Variants in DACH2 observed in about 807,000 individuals in gnomAD.
DACH2 encodes the protein dachshund homolog 2.
Under a neutral mutation model 35.8 loss-of-function variants are expected in DACH2, and 17 were observed. The observed-to-expected ratio is 0.48, with a 90% CI of 0.33 to 0.71. DACH2 has a LOEUF of 0.71. DACH2 is among the 30% of genes least tolerant of loss of function. DACH2 has a pLI of 0.02. For synonymous variants in DACH2, 195 were observed against 177.3 expected, an observed-to-expected ratio of 1.10 and a Z score of -0.79; for missense variants, 469 against 472.7, an observed-to-expected ratio of 0.99 and a Z score of 0.07.
At chrX:86,504,768 A>T (rs779509118) in intron 2 of DACH2, among the ~76,000 whole-genome samples, 1 of 111,233 alleles carries the variant, frequency 9.0e-6, no homozygotes, top group Non-Finnish European at 1.9e-5. Flanking sequence ...ATTATGATTT[A>T]CTTCTCTATT....
intron 3 of DACH2, among the ~76,000 whole-genome samples, chrX:86,593,161 G>T (rs1236501462): frequency 1.8e-5 from 2 of 110,645 alleles, no homozygotes; most frequent in African/African-American, 3.3e-5. Flanking sequence ...GATTTCTGTG[G>T]ATGTTCTTTA....
At chrX:86,439,110 C>G (rs1435039944) in intron 2 of DACH2, among the ~76,000 whole-genome samples, 1 of 112,077 alleles carries the variant, frequency 8.9e-6, no homozygotes, top group African/African-American at 3.2e-5. Context: ...GATGATATCT[C>G]ATTGTGGTTT....
chrX:86,370,612 G>A (rs2035873164), intron 1 of DACH2, among the ~76,000 whole-genome samples: 1 of 111,450 alleles, frequency 9.0e-6, no homozygotes, highest in Non-Finnish European at 1.9e-5. Flanking sequence ...AACATGAATA[G>A]CAAGACTGAA....
intron 1 of DACH2, among the ~76,000 whole-genome samples, chrX:86,259,725 G>A (rs2033590722): frequency 8.9e-6 from 1 of 111,787 alleles, no homozygotes; most frequent in Admixed American, 9.5e-5. Flanking sequence ...TTGAAGTTGA[G>A]GATCATAATA....
chrX:86,488,559 T>G lies in DACH2; in HGVS notation c.528-25720T>G, dbSNP rs2038050126. Among the ~76,000 whole-genome samples the G allele has an allele frequency of 2.7e-5, 3 of 110,679 alleles. No homozygotes were observed. In the South Asian group the frequency reaches 1.1e-3, roughly 42 times the overall value. On this transcript the variant is annotated intron_variant, in intron 2 of 11. Coordinates refer to ENST00000373125, the MANE Select transcript of DACH2 (RefSeq NM_053281.3). The stretch of plus-strand genomic sequence containing the variant: ...CATTTATACCCCTTGAACCACAGTT[T>G]CATTATCTTTAAAATGAGTATGGCA...
Position 86,289,741 on chromosome X carries a change from G to A in DACH2, c.489-87083G>A, listed in dbSNP as rs772479529. The stretch of plus-strand genomic sequence containing the variant: ...CCAATTTCCTCCATGTCCCTACAAA[G>A]GACATGAACTCATCATTTTTTATGG... On this transcript the variant is annotated intron_variant, in intron 1 of 11. Coordinates refer to ENST00000373125, the MANE Select transcript of DACH2 (RefSeq NM_053281.3). 1.7e-4 allele frequency among the ~76,000 whole-genome samples: 18 copies of A among 109,046 alleles called. No homozygotes were observed. In the East Asian group the frequency reaches 5.0e-3, roughly 30 times the overall value. 94.7% of individuals were successfully genotyped at this position (109,046 alleles called of 115,157 possible). A position where few individuals can be genotyped will look rare whatever the true frequency, so the allele number is the denominator to read the frequency against.
intron 1 of DACH2, among the ~76,000 whole-genome samples, chrX:86,288,876 A>T (rs1463970712): frequency 9.0e-6 from 1 of 111,524 alleles, no homozygotes. Context: ...GTGCTCTATT[A>T]TCCTGTGACA....
intron 2 of DACH2, among the ~76,000 whole-genome samples, chrX:86,424,335 A>T (rs1473257393): frequency 1.8e-5 from 2 of 110,580 alleles, no homozygotes; most frequent in African/African-American, 6.6e-5. Context: ...ATTTTTTTCT[A>T]TTTTTTGATG....
At chrX:86,697,366 C>T (rs769171327) in intron 5 of DACH2, among the ~76,000 whole-genome samples, 4 of 110,986 alleles carry the variant, frequency 3.6e-5, no homozygotes, top group African/African-American at 1.3e-4. Flanking sequence ...ACAGGTCGAG[C>T]AACCATTTAT....
intron 1 of DACH2, among the ~76,000 whole-genome samples, chrX:86,370,712 C>T (rs924190211): frequency 9.0e-6 from 1 of 111,505 alleles, no homozygotes; most frequent in Non-Finnish European, 1.9e-5. Flanking sequence ...GGAATTTTAA[C>T]GTTTAAAGCT....
intron 2 of DACH2, among the ~76,000 whole-genome samples, chrX:86,394,273 A>G (rs1198519243): frequency 1.8e-5 from 2 of 110,794 alleles, no homozygotes; most frequent in Non-Finnish European, 3.8e-5. Context: ...AATAAATATT[A>G]GTTTATGATA....
At chrX:86,781,504 G>A (rs5968996) in intron 7 of DACH2, among the ~76,000 whole-genome samples, 14,896 of 110,598 alleles carry the variant, frequency 0.13, 803 homozygotes, top group East Asian at 0.33. Context: ...AACTATCAGC[G>A]TTCTCCATAC....
At chrX:86,756,459 A>G (rs1397438254) in intron 7 of DACH2, among the ~76,000 whole-genome samples, 1 of 102,622 alleles carries the variant, frequency 9.7e-6, no homozygotes, top group Non-Finnish European at 2.0e-5. Flanking sequence ...CCCTTAGGTT[A>G]AATTTACTCC....
chrX:86,747,967 G>A (rs1336029175), intron 7 of DACH2, among the ~76,000 whole-genome samples: 1 of 112,199 alleles, frequency 8.9e-6, no homozygotes, highest in African/African-American at 3.2e-5. Flanking sequence ...CATTTCAACA[G>A]TGTTCACAAC....
intron 1 of DACH2, among the ~76,000 whole-genome samples, chrX:86,243,224 G>A (rs2033206533): frequency 9.0e-6 from 1 of 111,300 alleles, no homozygotes; most frequent in Admixed American, 9.6e-5. Context: ...CAAAGGAGCA[G>A]ATACATAGGA....
intron 4 of DACH2, among the ~76,000 whole-genome samples, chrX:86,669,683 T>C (rs1335821413): frequency 9.0e-6 from 1 of 111,558 alleles, no homozygotes; most frequent in African/African-American, 3.3e-5. Context: ...AAATAACTCA[T>C]TGTAAATAAA....
At chrX:86,396,220 C>T (rs1330313644) in intron 2 of DACH2, among the ~76,000 whole-genome samples, 34 of 109,524 alleles carry the variant, frequency 3.1e-4, no homozygotes, top group Middle Eastern at 4.2e-3. Context: ...CCTTCGCCCG[C>T]TTTTTGATGG....
intron 1 of DACH2, among the ~76,000 whole-genome samples, chrX:86,317,837 G>A (rs1195432038): frequency 9.0e-6 from 1 of 111,079 alleles, no homozygotes; most frequent in Non-Finnish European, 1.9e-5. Context: ...GGGTTCCTAG[G>A]CCTGTTAGTG....
At chrX:86,408,517 A>C (rs1396218129) in intron 2 of DACH2, among the ~76,000 whole-genome samples, 1 of 112,223 alleles carries the variant, frequency 8.9e-6, no homozygotes, top group East Asian at 2.8e-4. Flanking sequence ...TTATTATTAC[A>C]TAAATAATGT....
Sources: allele counts gnomAD v4.1 joint callset (sites outside exome capture counted in the v4.1 genomes callset), GRCh38; gene constraint gnomAD v4.1.1; transcripts MANE v1.5; gene names NCBI Gene and HGNC (gene_info 2026-07-23, HGNC 2026-07-21).